The following TMEM17 variants were observed in gnomAD, a reference collection of about 807,000 sequenced individuals.
TMEM17 encodes transmembrane protein 17.
Under a neutral mutation model 19.1 loss-of-function variants are expected in TMEM17, and 15 were observed. The ratio of observed to expected loss-of-function variants is 0.78; its 90% CI spans 0.52 to 1.21. The LOEUF is 1.21. Among genes scored for constraint, TMEM17 ranks in the 50% most tolerant of loss-of-function variants. The probability of loss-of-function intolerance (pLI) is 0.00; values close to 1 mark genes in which losing one functional copy is unlikely to be tolerated. For missense variants in TMEM17, 245 were observed against 242.3 expected (o/e 1.01, Z -0.07); for synonymous variants, 103 against 86.9 (o/e 1.19, Z -1.03).
the TMEM17 span, among the ~76,000 whole-genome samples, chr2:62,469,839 T>A: frequency 1.3e-5 from 2 of 152,372 alleles, no homozygotes; most frequent in South Asian, 4.1e-4. Flanking sequence ...GGCTGTCTCC[T>A]GGCCATTGGC....
chr2:62,476,444 G>A, the TMEM17 span, among the ~76,000 whole-genome samples: 738 of 152,256 alleles, frequency 4.8e-3, 9 homozygotes, highest in African/African-American at 0.017. Flanking sequence ...AGACAGGAGC[G>A]GGAGGCTATG....
chr2:62,478,113 G>T, the TMEM17 span, among the ~76,000 whole-genome samples: 1 of 152,192 alleles, frequency 6.6e-6, no homozygotes, highest in Non-Finnish European at 1.5e-5. Flanking sequence ...TAAAATAAAT[G>T]ACTCTAGTGG....
At chr2:62,493,769 T>G in the TMEM17 span, among the ~76,000 whole-genome samples, 1 of 152,242 alleles carries the variant, frequency 6.6e-6, no homozygotes, top group African/African-American at 2.4e-5. Context: ...TGTTTAAATA[T>G]AGATAGACCA....
chr2:62,491,820 A>C, the TMEM17 span, among the ~76,000 whole-genome samples: 1 of 152,102 alleles, frequency 6.6e-6, no homozygotes, highest in African/African-American at 2.4e-5. Context: ...ATTTAAAAAA[A>C]TTAATCAAAT....
the TMEM17 span, among the ~76,000 whole-genome samples, chr2:62,477,461 G>T: frequency 6.6e-6 from 1 of 152,172 alleles, no homozygotes; most frequent in South Asian, 2.1e-4. Context: ...GCATTCATCT[G>T]CAGCTCCCAC....
the TMEM17 span, among the ~76,000 whole-genome samples, chr2:62,471,222 G>A: frequency 1.6e-4 from 25 of 152,288 alleles, no homozygotes; most frequent in Admixed American, 3.3e-4. Flanking sequence ...GTCCTGGCCC[G>A]TCTTGGGAAG....
At chr2:62,459,813 G>A in the TMEM17 span, among the ~76,000 whole-genome samples, 2 of 152,220 alleles carry the variant, frequency 1.3e-5, no homozygotes, top group Non-Finnish European at 2.9e-5. Context: ...CCAGGCTGGA[G>A]TATGGTTGCT....
At chr2:62,478,111 A>G in the TMEM17 span, among the ~76,000 whole-genome samples, 3 of 152,210 alleles carry the variant, frequency 2.0e-5, no homozygotes, top group Admixed American at 6.5e-5. Flanking sequence ...CCTAAAATAA[A>G]TGACTCTAGT....
In TMEM17 at chr2:62,501,154, C is replaced by T; in HGVS notation, c.*55G>A. 1 of 1,553,760 alleles carries T rather than the reference C, an allele frequency of 6.4e-7. No individual in the cohort carries two copies. Among genetic ancestry groups the T allele is most frequent in the Non-Finnish European group, 8.7e-7 (1 of 1,147,408 alleles). On this transcript the variant is annotated 3_prime_UTR_variant, in exon 4 of 4. Coordinates refer to ENST00000335390, the MANE Select transcript of TMEM17 (RefSeq NM_198276.3). ...CTTTTCTCAGAGCTCTGATATTTTC[C>T]TAACTCTTACAGTCTCTAGAATGAT...
chr2:62,486,036 T>C, the TMEM17 span, among the ~76,000 whole-genome samples: 1 of 152,230 alleles, frequency 6.6e-6, no homozygotes, highest in Non-Finnish European at 1.5e-5. Flanking sequence ...GCTAATTGCA[T>C]AGTTCAATGT....
Position 62,501,493 on chromosome 2 carries a change from A to C in TMEM17, c.319-6T>G, listed in dbSNP as rs555687389. On this transcript the variant is annotated splice_polypyrimidine_tract_variant and splice_region_variant and intron_variant, in intron 3 of 3. Coordinates refer to ENST00000335390, the MANE Select transcript of TMEM17 (RefSeq NM_198276.3). The stretch of plus-strand genomic sequence containing the variant: ...AAGCCAGCCAACTCAGGAACCTGCA[A>C]TGACACATATCAAGAGTAATAAAAA... The C allele has an allele frequency of 6.2e-7, 1 of 1,608,702 alleles. No individual in the cohort carries two copies. Among genetic ancestry groups the C allele is most frequent in the Non-Finnish European group, 8.5e-7 (1 of 1,177,858 alleles).
At chr2:62,457,194 C>T in the TMEM17 span, among the ~76,000 whole-genome samples, 1 of 152,250 alleles carries the variant, frequency 6.6e-6, no homozygotes, top group Non-Finnish European at 1.5e-5. The surrounding 1 kb of genome is among the most constrained non-coding windows in gnomAD (Gnocchi z 4.2). Context: ...CCGGGCGCCG[C>T]TGCCAAGCCC....
the TMEM17 span, among the ~76,000 whole-genome samples, chr2:62,461,382 C>A: frequency 0.04 from 6,061 of 152,272 alleles, 302 homozygotes; most frequent in East Asian, 0.17. Flanking sequence ...TCAGTCCCCC[C>A]AGTCTTGACT....
chr2:62,478,576 A>T, the TMEM17 span, among the ~76,000 whole-genome samples: 3 of 151,618 alleles, frequency 2.0e-5, no homozygotes, highest in Non-Finnish European at 2.9e-5. Context: ...AAACAATTGA[A>T]CTCTTCCTTT....
chr2:62,506,104 T>C lies in TMEM17; in HGVS notation c.26A>G (p.Gln9Arg). The change falls in exon 1 of 4, where the codon CAG (glutamine) becomes CGG (arginine). Residue 9 changes from glutamine (Q) to arginine (R), a missense_variant. Coordinates refer to ENST00000335390, the MANE Select transcript of TMEM17 (RefSeq NM_198276.3). ...GGCCCGGCTGAAGTTTCCCAGCCGC[T>C]GGCGCACCGGATCCGGCAGCTCCAT... The part of the protein sequence containing the change: MELPDPVR[Q>R]RLGNFSRAVF... The C allele has an allele frequency of 1.2e-6, 2 of 1,611,026 alleles. No homozygotes were observed. The highest frequency in any genetic ancestry group is 1.7e-6 in the Non-Finnish European group (2 of 1,178,872).
At chr2:62,495,450 T>C (rs1275762754), downstream of TMEM17, among the ~76,000 whole-genome samples, 1 of 152,250 alleles carries the variant, frequency 6.6e-6, no homozygotes, top group Non-Finnish European at 1.5e-5. Flanking sequence ...AGGATGATTC[T>C]TAGAATGGCC....
At chr2:62,467,362 C>G in the TMEM17 span, among the ~76,000 whole-genome samples, 1 of 152,022 alleles carries the variant, frequency 6.6e-6, no homozygotes, top group African/African-American at 2.4e-5. Flanking sequence ...AAGCAAACTG[C>G]AGCCCAGAAA....
the TMEM17 span, among the ~76,000 whole-genome samples, chr2:62,485,560 CT>C: frequency 6.6e-6 from 1 of 152,138 alleles, no homozygotes; most frequent in African/African-American, 2.4e-5. Flanking sequence ...TTGGCCTGTG[CT>C]TTTGACCTTG....
At position 62,501,457 on chromosome 2, in the gene TMEM17, TCAAAAGC is replaced by T. The variant is rs1447730953; in HGVS notation, c.342_348del (p.Trp114Ter). 1.9e-6 allele frequency: 3 copies of T among 1,613,158 alleles called. No homozygotes were observed. Among genetic ancestry groups the T allele is most frequent in the Non-Finnish European group, 2.5e-6 (3 of 1,179,656 alleles). Reference sequence around the variant, plus strand: ...ATTAAAGGTAACTGCAATAGAAGGCTCAAAAGCCAAAAGCCAGCCAACTCAGGAACCT... The same window carrying T: ...ATTAAAGGTAACTGCAATAGAAGGCTCAAAAGCCAGCCAACTCAGGAACCT... On this transcript the variant is annotated frameshift_variant, in exon 4 of 4. Transcript: ENST00000335390. LOFTEE classifies it high-confidence loss of function.
Sources: gnomAD v4.1 joint callset for allele counts (sites outside exome capture counted in the v4.1 genomes callset) on GRCh38, gnomAD v4.1.1 for gene constraint, Gnocchi (gnomAD v3.1) non-coding constraint, MANE v1.5 for transcripts, NCBI Gene and HGNC (gene_info 2026-07-23, HGNC 2026-07-21) for gene names.